RUFY2: variants seen among roughly 807,000 people sequenced by gnomAD.
RUFY2 encodes the protein RUN and FYVE domain-containing protein 2.
A neutral mutation model predicts 94.4 loss-of-function variants in RUFY2; 49 were observed. The ratio of observed to expected loss-of-function variants is 0.52; its 90% CI spans 0.41 to 0.66. The LOEUF (loss-of-function observed/expected upper bound fraction) is 0.66. Ranked by LOEUF, RUFY2 falls within the 30% of genes least tolerant of loss-of-function variation. The pLI is 0.00. For synonymous variants in RUFY2, 255 were observed against 235.7 expected (o/e 1.08, Z -0.75); for missense variants, 541 against 692.8 (o/e 0.78, Z 2.46).
chr10:68,390,325 TGAG>T (rs2049880308), intron 7 of RUFY2, among the ~76,000 whole-genome samples: 1 of 152,206 alleles, frequency 6.6e-6, no homozygotes, highest in South Asian at 2.1e-4. Context: ...ACATATTCAC[TGAG>T]TAGTACTCAG....
At chr10:68,375,667 T>C (rs939719876) in intron 13 of RUFY2, among the ~76,000 whole-genome samples, 91 of 151,256 alleles carry the variant, frequency 6.0e-4, no homozygotes, top group African/African-American at 2.1e-3. Context: ...TCCCAGCTAC[T>C]CAGGAGGCTG....
At chr10:68,342,053 G>A, downstream of RUFY2, 2 of 1,611,460 alleles carry the variant, frequency 1.2e-6, no homozygotes, top group Non-Finnish European at 1.7e-6. Context: ...GGGATGTACT[G>A]AAAGCAAAAA....
chr10:68,387,152 TTG>T (rs1164241444), intron 7 of RUFY2, among the ~76,000 whole-genome samples: 1 of 151,526 alleles, frequency 6.6e-6, no homozygotes, highest in Admixed American at 6.6e-5. Context: ...AAGTCAGGAG[TTG>T]GAGATCAGCC....
intron 15 of RUFY2, among the ~76,000 whole-genome samples, chr10:68,361,380 G>A (rs1394959054): frequency 6.6e-6 from 1 of 152,162 alleles, no homozygotes; most frequent in Admixed American, 6.6e-5. Context: ...TATGATCTTA[G>A]TAAACGCAAA....
In RUFY2 at chr10:68,343,690, G is replaced by A. The variant is rs1216489553; in HGVS notation, c.*2078C>T. 9 of 151,710 alleles carry A rather than the reference G, an allele frequency of 5.9e-5. No homozygotes were observed. The highest frequency in any genetic ancestry group is 5.8e-4 in the East Asian group (3 of 5,130). 9.4% of individuals were successfully genotyped at this position (151,710 alleles called of 1,614,324 possible). On this transcript the variant is annotated 3_prime_UTR_variant, in exon 18 of 18. Transcript: ENST00000602465. Reference sequence around the variant, plus strand: ...TGTTTTTGAAAAGTAAAATGAATACGAGTTCACAATCACGAAATACAGATT... The same window carrying A: ...TGTTTTTGAAAAGTAAAATGAATACAAGTTCACAATCACGAAATACAGATT...
At chr10:68,393,116 G>A in intron 7 of RUFY2, 22 bp downstream of exon 7, 2 of 1,286,940 alleles carry the variant, frequency 1.6e-6, no homozygotes, top group Non-Finnish European at 1.1e-6. Context: ...TCATAAATGT[G>A]CTAAGTATCC....
At chr10:68,364,175 T>C (rs1030880604) in intron 13 of RUFY2, 62 bp from the exon 14 acceptor site, 1 of 1,481,168 alleles carries the variant, frequency 6.8e-7, no homozygotes, top group Non-Finnish European at 9.1e-7. Flanking sequence ...TTGTTATGTA[T>C]TCTTTACTAA....
At chr10:68,394,754 T>C (rs1012118503) in intron 4 of RUFY2, among the ~76,000 whole-genome samples, 26 of 151,780 alleles carry the variant, frequency 1.7e-4, no homozygotes, top group African/African-American at 6.3e-4. Flanking sequence ...CTCAGCCTCC[T>C]GAGTAGCTGG....
At chr10:68,366,191 C>A (rs938679256) in intron 13 of RUFY2, among the ~76,000 whole-genome samples, 1 of 151,010 alleles carries the variant, frequency 6.6e-6, no homozygotes, top group Admixed American at 6.6e-5. Context: ...GCCGGGTGTG[C>A]TGGTGCCCAC....
intron 15 of RUFY2, 70 bp from the exon 16 acceptor site, chr10:68,355,471 AG>A: frequency 2.2e-6 from 2 of 927,590 alleles, no homozygotes; most frequent in Non-Finnish European, 3.4e-6. Context: ...GTATTTCAGT[AG>A]GTATTGGTAT....
chr10:68,394,044 C>T (rs757070185), intron 6 of RUFY2, 31 bp downstream of exon 6: 16 of 1,488,710 alleles, frequency 1.1e-5, no homozygotes, highest in South Asian at 8.9e-5. Context: ...ATAAAAAACC[C>T]AATATGTGAA....
At chr10:68,346,133 A>C (rs1283372167) in intron 16 of RUFY2, 49 bp from the exon 17 acceptor site, 1 of 1,427,746 alleles carries the variant, frequency 7.0e-7, no homozygotes, top group Non-Finnish European at 9.6e-7. Context: ...CTAAAAATTA[A>C]ATGTGAAAAC....
chr10:68,394,925 A>G (rs187847970), intron 4 of RUFY2, among the ~76,000 whole-genome samples: 244 of 151,394 alleles, frequency 1.6e-3, no homozygotes, highest in Non-Finnish European at 2.9e-3. Flanking sequence ...CACCGCGCCT[A>G]GCCAACTTTT....
At chr10:68,375,763 G>A (rs1318637691) in intron 13 of RUFY2, among the ~76,000 whole-genome samples, 2 of 148,226 alleles carry the variant, frequency 1.3e-5, no homozygotes, top group Non-Finnish European at 3.0e-5. Context: ...GCGATAGAGC[G>A]AGACTCCATC....
chr10:68,384,264 A>G, intron 8 of RUFY2, 112 bp from the exon 9 acceptor site: 1 of 1,339,962 alleles, frequency 7.5e-7, no homozygotes, highest in Admixed American at 3.2e-5. Context: ...AACTAGCAAA[A>G]GGTCTGTCAC....
chr10:68,355,460 A>G lies in RUFY2; in HGVS notation c.1551-59T>C, dbSNP rs369132244. 3.4e-3 allele frequency: 3,458 copies of G among 1,021,876 alleles called. 9 individuals carry two copies. The highest frequency in any genetic ancestry group is 4.5e-3 in the Non-Finnish European group (2,941 of 658,424). 63.3% of individuals were successfully genotyped at this position (1,021,876 alleles called of 1,614,324 possible). On this transcript the variant is annotated intron_variant, in intron 15 of 17. Coordinates refer to ENST00000602465, the MANE Select transcript of RUFY2 (RefSeq NM_001330103.2). The stretch of plus-strand genomic sequence containing the variant: ...ACACATATTTAAATATAGAACACTT[A>G]GTATTTCAGTAGGTATTGGTATTTC...
At chr10:68,372,038 C>T (rs1008813534) in intron 13 of RUFY2, among the ~76,000 whole-genome samples, 9 of 152,186 alleles carry the variant, frequency 5.9e-5, no homozygotes, top group Admixed American at 2.6e-4. Context: ...CACCTGTAAT[C>T]CCACCTTCTG....
intron 16 of RUFY2, among the ~76,000 whole-genome samples, chr10:68,351,418 G>A (rs1026520981): frequency 8.1e-5 from 12 of 147,900 alleles, no homozygotes; most frequent in African/African-American, 2.5e-4. Flanking sequence ...TTATAGGCGT[G>A]AGCCACCACG....
intron 13 of RUFY2, among the ~76,000 whole-genome samples, chr10:68,371,412 A>G (rs2048269594): frequency 2.7e-5 from 4 of 149,770 alleles, no homozygotes; most frequent in Admixed American, 6.7e-5. Flanking sequence ...ACAGGCTGAG[A>G]CTCCATCTCA....
Sources: allele counts gnomAD v4.1 joint callset (sites outside exome capture counted in the v4.1 genomes callset), GRCh38; gene constraint gnomAD v4.1.1; transcripts MANE v1.5; gene names NCBI Gene and HGNC (gene_info 2026-07-23, HGNC 2026-07-21).